Variants in C1orf202 observed in about 807,000 individuals in gnomAD.
C1orf202 encodes uncharacterized protein C1orf202.
the C1orf202 span, chr1:244,730,353 A>G: frequency 1.0e-5 from 3 of 300,314 alleles, no homozygotes; most frequent in African/African-American, 2.2e-5. Flanking sequence ...TTTCATTCCT[A>G]CGGTGCTGGG....
the C1orf202 span, chr1:244,730,490 T>TGCGCGGGCCGCCC: frequency 3.2e-4 from 112 of 346,986 alleles, no homozygotes; most frequent in Non-Finnish European, 4.9e-4. Context: ...GGGGGCGGCC[T>TGCGCGGGCCGCCC]GCGCGGGCCG....
the C1orf202 span, chr1:244,730,196 G>A: frequency 2.7e-5 from 6 of 219,984 alleles, no homozygotes; most frequent in African/African-American, 1.2e-4. Flanking sequence ...GGGAACCCAG[G>A]GCTCCGCGGC....
At chr1:244,729,754 T>C in the C1orf202 span, 1 of 152,238 alleles carries the variant, frequency 6.6e-6, no homozygotes, top group Non-Finnish European at 1.5e-5. Flanking sequence ...AAGACCCATC[T>C]GGGAGCCTCC....
the C1orf202 span, chr1:244,730,419 G>A: frequency 5.6e-6 from 2 of 358,870 alleles, no homozygotes; most frequent in Non-Finnish European, 1.0e-5. Context: ...TCCTGAGCGT[G>A]CACAGGGGGC....
chr1:244,730,931 G>A, the C1orf202 span: 4 of 383,666 alleles, frequency 1.0e-5, no homozygotes, highest in East Asian at 3.7e-5. Context: ...CATGGCCCGC[G>A]CAGGCCTCTT....
At chr1:244,730,198 C>T in the C1orf202 span, 1 of 221,260 alleles carries the variant, frequency 4.5e-6, no homozygotes, top group Middle Eastern at 1.5e-3. Context: ...GAACCCAGGG[C>T]TCCGCGGCAC....
chr1:244,730,839 G>A, the C1orf202 span: 2 of 380,150 alleles, frequency 5.3e-6, no homozygotes, highest in East Asian at 3.8e-5. Flanking sequence ...CGCGGAGGGG[G>A]GCCCCGCTCC....
chr1:244,730,298 G>A, the C1orf202 span: 2 of 239,740 alleles, frequency 8.3e-6, no homozygotes, highest in Non-Finnish European at 8.0e-6. Context: ...CGAACCTCAA[G>A]ATAACCCTTG....
At chr1:244,730,931 G>C in the C1orf202 span, 1 of 383,782 alleles carries the variant, frequency 2.6e-6, no homozygotes, top group Non-Finnish European at 4.6e-6. Context: ...CATGGCCCGC[G>C]CAGGCCTCTT....
At chr1:244,730,486 G>GAA in the C1orf202 span, 15 of 345,754 alleles carry the variant, frequency 4.3e-5, no homozygotes, top group African/African-American at 3.2e-4. Context: ...GCGCGGGGGC[G>GAA]GCCTGCGCGG....
chr1:244,730,998 C>T, the C1orf202 span: 1 of 344,380 alleles, frequency 2.9e-6, no homozygotes, highest in Non-Finnish European at 5.2e-6. Context: ...AACGCTGCCG[C>T]CTCCAGGACT....
the C1orf202 span, chr1:244,730,304 C>T: frequency 8.2e-6 from 2 of 245,070 alleles, no homozygotes. Flanking sequence ...TCAAGATAAC[C>T]CTTGGTTTCC....
the C1orf202 span, chr1:244,730,999 C>A: frequency 8.8e-6 from 3 of 339,430 alleles, no homozygotes; most frequent in Non-Finnish European, 1.6e-5. Context: ...ACGCTGCCGC[C>A]TCCAGGACTC....
the C1orf202 span, chr1:244,730,804 C>T: frequency 2.7e-6 from 1 of 377,276 alleles, no homozygotes; most frequent in Non-Finnish European, 4.7e-6. Flanking sequence ...CCACCGCGCG[C>T]CGCCCGACCG....
the C1orf202 span, chr1:244,729,922 T>G: frequency 4.0e-5 from 6 of 151,744 alleles, no homozygotes; most frequent in Non-Finnish European, 8.8e-5. Flanking sequence ...AGCATCCTGC[T>G]TTAAACGATT....
At chr1:244,730,942 C>G in the C1orf202 span, 2 of 382,900 alleles carry the variant, frequency 5.2e-6, no homozygotes, top group East Asian at 7.4e-5. Flanking sequence ...CAGGCCTCTT[C>G]TCGGAGCGCG....
chr1:244,730,697 C>A, the C1orf202 span: 1 of 384,204 alleles, frequency 2.6e-6, no homozygotes, highest in Non-Finnish European at 4.6e-6. Context: ...GGCCTCCTTG[C>A]CTGCGCGCGC....
chr1:244,730,803 G>A, the C1orf202 span: 36 of 377,490 alleles, frequency 9.5e-5, no homozygotes, highest in African/African-American at 6.7e-4. Context: ...GCCACCGCGC[G>A]CCGCCCGACC....
At chr1:244,730,428 G>C in the C1orf202 span, 1 of 357,526 alleles carries the variant, frequency 2.8e-6, no homozygotes, top group African/African-American at 2.1e-5. Flanking sequence ...TGCACAGGGG[G>C]CGCAACGGGG....
Sources: allele counts gnomAD v4.1 joint callset, GRCh38; gene constraint gnomAD v4.1.1; transcripts MANE v1.5; gene names NCBI Gene and HGNC (gene_info 2026-07-23, HGNC 2026-07-21).